Variants in XRN1 observed in about 807,000 individuals in gnomAD.
XRN1 encodes strand-exchange protein 1 homolog.
XRN1 carries 67 observed loss-of-function variants against 222.3 expected under a neutral mutation model. The ratio of observed to expected loss-of-function variants is 0.30; its 90% CI spans 0.25 to 0.37. The LOEUF (loss-of-function observed/expected upper bound fraction) is 0.37. Ranked by LOEUF, XRN1 falls within the 10% of genes least tolerant of loss-of-function variation. The pLI is 1.00. For missense variants in XRN1, 1,707 were observed against 2,000.2 expected (o/e 0.85, Z 2.80); for synonymous variants, 643 against 652.4 (o/e 0.99, Z 0.22).
At chr3:142,417,094 A>G in intron 13 of XRN1, 46 bp downstream of exon 13, 1 of 1,430,782 alleles carries the variant, frequency 7.0e-7, no homozygotes, top group South Asian at 1.2e-5. Context: ...AGTAGAATGA[A>G]TCATTATAAA....
At chr3:142,367,526 C>T (rs1215830459) in intron 27 of XRN1, among the ~76,000 whole-genome samples, 2 of 152,042 alleles carry the variant, frequency 1.3e-5, no homozygotes, top group East Asian at 3.9e-4. Flanking sequence ...AAACCATGTT[C>T]CAACAAGAAA....
At chr3:142,426,879 G>T in intron 2 of XRN1, 38 bp from the exon 3 acceptor site, 1 of 1,540,482 alleles carries the variant, frequency 6.5e-7, no homozygotes, top group South Asian at 1.1e-5. Context: ...TAAGTTTTCT[G>T]AAAAAAAGTG....
chr3:142,432,569 T>G, intron 2 of XRN1, 92 bp downstream of exon 2: 1 of 1,189,700 alleles, frequency 8.4e-7, no homozygotes, highest in Non-Finnish European at 1.2e-6. Context: ...AAAATAAACA[T>G]GAACAGAAGA....
At chr3:142,417,448 TAA>T (rs1232772240) in intron 12 of XRN1, among the ~76,000 whole-genome samples, 1 of 152,196 alleles carries the variant, frequency 6.6e-6, no homozygotes, top group Non-Finnish European at 1.5e-5. Context: ...TCAAAATAGA[TAA>T]GTCTGTTATT....
At chr3:142,375,979 C>CAA (rs1414848792) in intron 24 of XRN1, 35 bp from the exon 25 acceptor site, 1 of 1,467,596 alleles carries the variant, frequency 6.8e-7, no homozygotes, top group African/African-American at 1.4e-5. Context: ...CACGTGCACA[C>CAA]ACACACACAC....
chr3:142,352,141 G>A (rs142960173), intron 32 of XRN1, among the ~76,000 whole-genome samples: 3 of 152,102 alleles, frequency 2.0e-5, no homozygotes, highest in Middle Eastern at 3.4e-3. Context: ...TTCTAACTAC[G>A]ATTCTTGTTT....
chr3:142,362,254 C>T (rs2107850677), intron 29 of XRN1, among the ~76,000 whole-genome samples: 1 of 152,292 alleles, frequency 6.6e-6, no homozygotes, highest in African/African-American at 2.4e-5. Flanking sequence ...TCTTCCGCCT[C>T]AGCCTCCCAA....
chr3:142,442,678 T>C (rs542610354), intron 1 of XRN1, among the ~76,000 whole-genome samples: 2 of 152,348 alleles, frequency 1.3e-5, no homozygotes, highest in Non-Finnish European at 2.9e-5. Context: ...GCCTGTAAAG[T>C]GTGCCAAAGA....
chr3:142,447,823 A>C lies in XRN1; in HGVS notation c.75+47T>G, dbSNP rs774953393. 1.2e-6 allele frequency: 2 copies of C among 1,605,310 alleles called. No homozygotes were observed. The highest frequency in any genetic ancestry group is 2.2e-5 in the East Asian group (1 of 44,608). On this transcript the variant is annotated intron_variant, in intron 1 of 40. Coordinates refer to ENST00000392981, the MANE Select transcript of XRN1 (RefSeq NM_001282857.2). The surrounding 1 kb of genome is among the most constrained non-coding windows in gnomAD (Gnocchi z 4.2). ...AGCTCTAAGGTGGAGAGGGCCGCGG[A>C]GCCCCGGGTCCTCGGCTTTCTGAGC...
intron 39 of XRN1, among the ~76,000 whole-genome samples, chr3:142,314,812 G>A (rs373545322): frequency 7.5e-5 from 11 of 146,846 alleles, no homozygotes; most frequent in African/African-American, 2.8e-4. Context: ...GCAGAGGTAG[G>A]AGGATCAACT....
rs376290312 is a variant in XRN1 at position 142,313,081 on chromosome 3, T to C, written c.4622-323A>G. On this transcript the variant is annotated intron_variant, in intron 39 of 40. Transcript: ENST00000392981. ...AAAAAAAATAAAAGGGTCATGAAAT[T>C]GTCCCTTGTGAGAGAAAAGCTTGGG... 20 of 1,557,458 alleles carry C rather than the reference T, an allele frequency of 1.3e-5. No homozygotes were observed. The African/African-American group carries it at 2.5e-4, about 19-fold the overall frequency.
intron 37 of XRN1, among the ~76,000 whole-genome samples, chr3:142,323,765 G>A (rs1055797783): frequency 6.6e-6 from 1 of 151,968 alleles, no homozygotes; most frequent in East Asian, 1.9e-4. Flanking sequence ...ACTGCTTGAA[G>A]CCAGCCTGGG....
chr3:142,384,271 C>CAA lies in XRN1; in HGVS notation c.2502+250_2502+251dup, dbSNP rs369012282. Among the ~76,000 whole-genome samples, 60 of 52,554 alleles carry CAA rather than the reference C, an allele frequency of 1.1e-3. 1 individual carries two copies. The highest frequency in any genetic ancestry group is 4.2e-3 in the African/African-American group (52 of 12,284). The allele number at this position is 52,554 out of a possible 152,430, so 34.5% of individuals were successfully genotyped here. A position where few individuals can be genotyped will look rare whatever the true frequency, so the allele number is the denominator to read the frequency against. ...CGGGCAACAGAGCGAGACTCTGTCT[C>CAA]AAAAAAAAAAAAAGAAAAAAAAAAA... On this transcript the variant is annotated intron_variant, in intron 21 of 40. Transcript: ENST00000392981.
intron 2 of XRN1, among the ~76,000 whole-genome samples, chr3:142,429,056 G>A (rs1257956455): frequency 6.6e-6 from 1 of 151,684 alleles, no homozygotes; most frequent in Non-Finnish European, 1.5e-5. Flanking sequence ...AAAGGGAGAA[G>A]CTCAAGAAAG....
At chr3:142,331,006 G>A (rs566721076) in intron 36 of XRN1, among the ~76,000 whole-genome samples, 2 of 151,974 alleles carry the variant, frequency 1.3e-5, no homozygotes, top group African/African-American at 4.8e-5. Flanking sequence ...TTAGTAGAAA[G>A]GGGGTTTCAC....
In XRN1 at chr3:142,380,162, C is replaced by T. The variant is rs367699679; in HGVS notation, c.2635G>A (p.Val879Met). 3.7e-6 allele frequency: 6 copies of T among 1,613,734 alleles called. No homozygotes were observed. Among genetic ancestry groups the T allele is most frequent in the Admixed American group, 1.7e-5 (1 of 59,990 alleles). The change falls in exon 23 of 41, where the codon GTG becomes ATG. Residue 879 changes from valine to methionine, a missense_variant. This residue lies in a region of XRN1 where 1,234 missense variants were observed against 1,518.2 expected (regional missense o/e 0.81). Transcript: ENST00000392981. ...CTGEVQDSGDVITEGRIRVIF... is the reference protein window; with the variant it reads ...CTGEVQDSGDMITEGRIRVIF... Reference sequence around the variant, plus strand: ...ACACGAATCCTACCTTCTGTAATCACATCACCTGAATCCTGAACCTTAGAA... The same window carrying T: ...ACACGAATCCTACCTTCTGTAATCATATCACCTGAATCCTGAACCTTAGAA...
chr3:142,446,556 T>C (rs1438218415), intron 1 of XRN1, among the ~76,000 whole-genome samples: 3 of 152,216 alleles, frequency 2.0e-5, no homozygotes, highest in Non-Finnish European at 4.4e-5. Context: ...GACTACAGAA[T>C]AAAAATATTA....
chr3:142,408,494 G>A (rs2068438904), intron 15 of XRN1, among the ~76,000 whole-genome samples: 1 of 152,178 alleles, frequency 6.6e-6, no homozygotes, highest in Non-Finnish European at 1.5e-5. Flanking sequence ...ACCAGGTGCA[G>A]ATTTTCTATT....
intron 39 of XRN1, among the ~76,000 whole-genome samples, chr3:142,313,705 GA>G (rs2065134701): frequency 6.6e-6 from 1 of 152,160 alleles, no homozygotes; most frequent in Non-Finnish European, 1.5e-5. Context: ...ATTCTAAGAA[GA>G]AGAAAACTTT....
Sources: gnomAD v4.1 joint callset for allele counts (sites outside exome capture counted in the v4.1 genomes callset) on GRCh38, gnomAD v4.1.1 for gene constraint, gnomAD v4.1.1 regional missense constraint, Gnocchi (gnomAD v3.1) non-coding constraint, MANE v1.5 for transcripts, NCBI Gene and HGNC (gene_info 2026-07-23, HGNC 2026-07-21) for gene names.